Variants in PDE4DIP observed in about 807,000 individuals in gnomAD.
The protein encoded by PDE4DIP is myomegalin.
In PDE4DIP, 59 loss-of-function variants were observed where a neutral mutation model predicts 221.4. The observed-to-expected ratio is 0.27, with a 90% CI of 0.22 to 0.33. The LOEUF (loss-of-function observed/expected upper bound fraction) is 0.33, where lower values mean the gene tolerates loss of function less well. Ranked by LOEUF, PDE4DIP falls within the 10% of genes least tolerant of loss-of-function variation. The pLI, the probability that PDE4DIP is intolerant of heterozygous loss-of-function variation, is 1.00. For missense variants in PDE4DIP, 1,036 were observed against 2,154.2 expected (o/e 0.48, Z 10.28); for synonymous variants, 404 against 815.9 (o/e 0.50, Z 8.60).
At chr1:148,890,456 T>TAAA (rs72506227) in intron 1 of PDE4DIP, among the ~76,000 whole-genome samples, 1 of 109,368 alleles carries the variant, frequency 9.1e-6, no homozygotes. Context: ...CCCAGATAAT[T>TAAA]AAAAAAAAAA....
At chr1:148,963,645 G>T (rs1553514766) in intron 9 of PDE4DIP, among the ~76,000 whole-genome samples, 1 of 151,100 alleles carries the variant, frequency 6.6e-6, no homozygotes, top group Non-Finnish European at 1.5e-5. Flanking sequence ...GGAATGACAT[G>T]CATAATAATC....
chr1:148,944,227 T>C (rs2051107780), intron 5 of PDE4DIP, among the ~76,000 whole-genome samples: 1 of 152,150 alleles, frequency 6.6e-6, no homozygotes, highest in African/African-American at 2.4e-5. Context: ...GAAAGGCAGC[T>C]TGGAGGAAAT....
At chr1:148,864,350 A>C (rs1553404838) in intron 2 of PDE4DIP, among the ~76,000 whole-genome samples, 883 of 124,206 alleles carry the variant, frequency 7.1e-3, no homozygotes, top group Non-Finnish European at 9.2e-3. Context: ...GCTATCAAGG[A>C]ATAAGCACTC....
intron 21 of PDE4DIP, chr1:148,982,058 A>G (rs2061205792): frequency 6.5e-6 from 1 of 153,260 alleles, no homozygotes; most frequent in African/African-American, 2.4e-5. Flanking sequence ...GGCAAGAACT[A>G]TGAAAGTGAT....
At chr1:149,020,800 A>G in intron 36 of PDE4DIP, 1 of 544,650 alleles carries the variant, frequency 1.8e-6, no homozygotes, top group Non-Finnish European at 3.3e-6. Context: ...AATGTAGGTA[A>G]TGGTGTGTTT....
At chr1:148,956,135 A>G (rs2055250031) in intron 5 of PDE4DIP, among the ~76,000 whole-genome samples, 1 of 152,140 alleles carries the variant, frequency 6.6e-6, no homozygotes, top group Non-Finnish European at 1.5e-5. Flanking sequence ...AAGAATAGAA[A>G]TAATATAATT....
At chr1:148,859,864 T>A (rs1683401588) in intron 1 of PDE4DIP, among the ~76,000 whole-genome samples, 1 of 133,638 alleles carries the variant, frequency 7.5e-6, no homozygotes, top group Non-Finnish European at 1.6e-5. Flanking sequence ...ATGCTTGGAG[T>A]CTGTCTCTAC....
intron 1 of PDE4DIP, among the ~76,000 whole-genome samples, chr1:148,893,182 G>C (rs1553438890): frequency 7.0e-6 from 1 of 143,386 alleles, no homozygotes; most frequent in African/African-American, 2.6e-5. Context: ...AAATTCCTGG[G>C]CTCAAGTGAT....
At chr1:148,985,713 C>G (rs2061792502) in intron 21 of PDE4DIP, 1 of 151,948 alleles carries the variant, frequency 6.6e-6, no homozygotes, top group South Asian at 2.1e-4. Context: ...GTTACTCTCC[C>G]TTTTTTTTGT....
At chr1:149,029,167 A>G (rs2076007485) in intron 41 of PDE4DIP, among the ~76,000 whole-genome samples, 2 of 152,152 alleles carry the variant, frequency 1.3e-5, no homozygotes, top group Admixed American at 1.3e-4. Flanking sequence ...TTAAGCTGGC[A>G]TCGCTGGACC....
chr1:148,832,902 T>G (rs1240294989), intron 1 of PDE4DIP, among the ~76,000 whole-genome samples: 2 of 111,848 alleles, frequency 1.8e-5, no homozygotes, highest in East Asian at 5.2e-4. Context: ...CTCTTTTTTT[T>G]GTTGTATCTC....
At chr1:148,935,447 G>C (rs2049025562) in intron 4 of PDE4DIP, among the ~76,000 whole-genome samples, 1 of 79,564 alleles carries the variant, frequency 1.3e-5, no homozygotes, top group Non-Finnish European at 2.5e-5. Flanking sequence ...TCTTCCCTGG[G>C]CCTTTGTTCC....
chr1:148,989,827 G>T (rs2062660631), intron 21 of PDE4DIP, among the ~76,000 whole-genome samples: 1 of 152,164 alleles, frequency 6.6e-6, no homozygotes, highest in Non-Finnish European at 1.5e-5. Context: ...ACATGATGTG[G>T]GTGTCCTAGG....
chr1:148,990,250 C>T, intron 21 of PDE4DIP: 1 of 983,920 alleles, frequency 1.0e-6, no homozygotes, highest in Non-Finnish European at 1.2e-6. Context: ...GCTGAGCAAC[C>T]CTTAAAGCTG....
intron 4 of PDE4DIP, 141 bp from the exon 8 acceptor site, chr1:148,937,606 C>T: frequency 1.7e-6 from 1 of 577,686 alleles, no homozygotes; most frequent in African/African-American, 1.9e-5. Context: ...GTTTTCTAAA[C>T]AAATGTGTCA....
At chr1:148,943,004 G>A (rs1169827849) in intron 5 of PDE4DIP, among the ~76,000 whole-genome samples, 1 of 146,048 alleles carries the variant, frequency 6.8e-6, no homozygotes, top group African/African-American at 2.5e-5. Flanking sequence ...TCAAGCTGTT[G>A]CATTTATGCC....
Position 149,028,534 on chromosome 1 carries a change from G to C in PDE4DIP, c.6670-26G>C, listed in dbSNP as rs587618397. 3.1e-6 allele frequency: 5 copies of C among 1,603,620 alleles called. No homozygotes were observed. In the Admixed American group the frequency reaches 6.8e-5, roughly 22 times the overall value. The stretch of plus-strand genomic sequence containing the variant: ...GCAGGGGGAAGAAAGTAATCTCTCC[G>C]CTCCTGTGGTGTTACCTTTCCCCAG... On this transcript the variant is annotated intron_variant, in intron 40 of 43. Transcript: ENST00000369354.
At chr1:148,844,583 G>A (rs1362516727) in intron 1 of PDE4DIP, 1 of 89,022 alleles carries the variant, frequency 1.1e-5, no homozygotes, top group African/African-American at 3.7e-5. Context: ...CCGCAGGTTC[G>A]GCCACGTCAA....
chr1:149,031,509 A>G (rs1448381575), intron 43 of PDE4DIP, among the ~76,000 whole-genome samples: 1 of 151,922 alleles, frequency 6.6e-6, no homozygotes, highest in Admixed American at 6.6e-5. Context: ...TCATTATGGC[A>G]ACTGGACATA....
Sources: gnomAD v4.1 joint callset for allele counts (sites outside exome capture counted in the v4.1 genomes callset) on GRCh38, gnomAD v4.1.1 for gene constraint, MANE v1.5 for transcripts, NCBI Gene and HGNC (gene_info 2026-07-23, HGNC 2026-07-21) for gene names.